The following KCTD16 variants were observed in gnomAD, a reference collection of about 807,000 sequenced individuals.
KCTD16 encodes the protein BTB/POZ domain-containing protein KCTD16.
KCTD16 carries 13 observed loss-of-function variants against 33.2 expected under a neutral mutation model. The ratio of observed to expected loss-of-function variants is 0.39; its 90% CI spans 0.25 to 0.62. KCTD16 has a LOEUF of 0.62. Ranked by LOEUF, KCTD16 falls within the 20% of genes least tolerant of loss-of-function variation. KCTD16 has a pLI of 0.50. For missense variants in KCTD16, 441 were observed against 525.1 expected (o/e 0.84, Z 1.57); for synonymous variants, 197 against 195.3 (o/e 1.01, Z -0.07).
rs183584714 is a variant in KCTD16 at position 144,189,043 on chromosome 5, A to T, written c.-327+14571A>T. ...ACATTGATAAAGGCAATAAATAACAATGATATCAAAGGATGCACTTAGACA... is the reference window on the plus strand; with the variant it reads ...ACATTGATAAAGGCAATAAATAACATTGATATCAAAGGATGCACTTAGACA... On this transcript the variant is annotated intron_variant, in intron 2 of 3. Transcript: ENST00000512467. 1.7e-3 allele frequency among the ~76,000 whole-genome samples: 262 copies of T among 152,336 alleles called. 1 individual carries two copies. The highest frequency in any genetic ancestry group is 5.8e-3 in the African/African-American group (243 of 41,578).
chr5:144,208,094 T>C (rs1057209157), intron 3 of KCTD16, among the ~76,000 whole-genome samples: 18 of 152,230 alleles, frequency 1.2e-4, no homozygotes, highest in Non-Finnish European at 2.4e-4. Flanking sequence ...AGTCTAAATT[T>C]TGCTTTTAAG....
chr5:144,419,774 A>C (rs1162069956), intron 3 of KCTD16, among the ~76,000 whole-genome samples: 1 of 152,152 alleles, frequency 6.6e-6, no homozygotes. Context: ...AATAGACCAA[A>C]GTTTTTATTT....
At chr5:144,209,608 C>T (rs1580789544) in intron 3 of KCTD16, among the ~76,000 whole-genome samples, 1 of 151,746 alleles carries the variant, frequency 6.6e-6, no homozygotes, top group African/African-American at 2.4e-5. Context: ...CGTGCAGCTG[C>T]TTAGCCATAA....
intron 3 of KCTD16, among the ~76,000 whole-genome samples, chr5:144,444,259 A>G (rs1156298531): frequency 1.3e-5 from 2 of 150,932 alleles, no homozygotes; most frequent in Admixed American, 1.3e-4. Context: ...GATATTTCCA[A>G]TTCAAATGAA....
chr5:144,467,911 C>T (rs575219957), intron 3 of KCTD16, among the ~76,000 whole-genome samples: 1 of 152,164 alleles, frequency 6.6e-6, no homozygotes, highest in Admixed American at 6.5e-5. Flanking sequence ...AGGCTAACTA[C>T]ACTTTTCCTT....
Position 144,280,342 on chromosome 5 carries a change from G to GT in KCTD16, c.832+72805dup, listed in dbSNP as rs907645691. Among the ~76,000 whole-genome samples, 338 of 151,634 alleles carry GT rather than the reference G, an allele frequency of 2.2e-3. 1 individual carries two copies. Among genetic ancestry groups the GT allele is most frequent in the Middle Eastern group, 0.01 (3 of 286 alleles). On this transcript the variant is annotated intron_variant, in intron 3 of 3. Transcript: ENST00000512467. The stretch of plus-strand genomic sequence containing the variant: ...GGAAGTTTATAATTTATAAATTAAA[G>GT]TTTTTTTTTAAAATAGCTATATAAC...
rs73792375 is a variant in KCTD16, at chr5:144,289,655, T to C, written c.832+82109T>C. The stretch of plus-strand genomic sequence containing the variant: ...TCTGTAATTTGAAGGTAATAACACA[T>C]GCTCTATTTCTTTCCTTTTTCTTTT... On this transcript the variant is annotated intron_variant, in intron 3 of 3. Coordinates refer to ENST00000512467, the MANE Select transcript of KCTD16 (RefSeq NM_020768.4). Among the ~76,000 whole-genome samples, 290 of 152,298 alleles carry C rather than the reference T, an allele frequency of 1.9e-3. 2 individuals are homozygous for C. The highest frequency in any genetic ancestry group is 6.5e-3 in the African/African-American group (270 of 41,556).
Position 144,478,396 on chromosome 5 carries a change from C to T in KCTD16, c.*4282C>T, listed in dbSNP as rs1754638577. 6.6e-6 allele frequency: 1 copy of T among 152,080 alleles called. No individual in the cohort carries two copies. The highest frequency in any genetic ancestry group is 1.5e-5 in the Non-Finnish European group (1 of 67,970). The allele number at this position is 152,080 out of a possible 1,614,324, so 9.4% of individuals were successfully genotyped here. ...TAATCACAGCCTTGTGATGCAAACA[C>T]AGAGCTTATTTGTTTGAAATGCCTA... On this transcript the variant is annotated 3_prime_UTR_variant, in exon 4 of 4. Transcript: ENST00000512467.
chr5:144,293,907 C>A (rs1319073100), intron 3 of KCTD16, among the ~76,000 whole-genome samples: 1 of 152,072 alleles, frequency 6.6e-6, no homozygotes, highest in Non-Finnish European at 1.5e-5. Flanking sequence ...CGCCTGTAAT[C>A]CCAGCACTTT....
chr5:144,347,235 A>C lies in KCTD16; in HGVS notation c.833-126425A>C, dbSNP rs1215976445. ...TCAATACATTTAAATTTAAATAGCCACATGGAACTAATGGCTACTGTATTG... is the reference window on the plus strand; with the variant it reads ...TCAATACATTTAAATTTAAATAGCCCCATGGAACTAATGGCTACTGTATTG... On this transcript the variant is annotated intron_variant, in intron 3 of 3. Transcript: ENST00000512467. Among the ~76,000 whole-genome samples, 5 of 152,200 alleles carry C rather than the reference A, an allele frequency of 3.3e-5. No homozygotes were observed. The East Asian group carries it at 9.6e-4, about 29-fold the overall frequency.
chr5:144,212,975 A>G (rs1472369841), intron 3 of KCTD16, among the ~76,000 whole-genome samples: 1 of 152,152 alleles, frequency 6.6e-6, no homozygotes, highest in Non-Finnish European at 1.5e-5. Flanking sequence ...CCCAGACATC[A>G]ATTCATTTCT....
intron 3 of KCTD16, among the ~76,000 whole-genome samples, chr5:144,230,878 C>T (rs1754081867): frequency 6.6e-6 from 1 of 152,212 alleles, no homozygotes; most frequent in African/African-American, 2.4e-5. Context: ...ACACAAGGAA[C>T]AGCATTCTAG....
At chr5:144,312,990 A>G (rs1034521166) in intron 3 of KCTD16, among the ~76,000 whole-genome samples, 1 of 152,240 alleles carries the variant, frequency 6.6e-6, no homozygotes, top group African/African-American at 2.4e-5. Context: ...AAGTGTAGGT[A>G]GGAAACGAAG....
At chr5:144,399,034 C>A (rs556426738) in intron 3 of KCTD16, among the ~76,000 whole-genome samples, 1 of 152,274 alleles carries the variant, frequency 6.6e-6, no homozygotes, top group Admixed American at 6.5e-5. Context: ...TTTGCTAATA[C>A]AGAGGAGCAA....
At chr5:144,208,278 C>G (rs184524839) in intron 3 of KCTD16, among the ~76,000 whole-genome samples, 1 of 152,268 alleles carries the variant, frequency 6.6e-6, no homozygotes, top group East Asian at 1.9e-4. Context: ...GAATTACTGA[C>G]ATAAAAGGAA....
intron 3 of KCTD16, among the ~76,000 whole-genome samples, chr5:144,372,689 C>T (rs1378741566): frequency 6.6e-6 from 1 of 152,092 alleles, no homozygotes; most frequent in Non-Finnish European, 1.5e-5. Context: ...AACTGTATGT[C>T]TAAAGGCTTG....
intron 3 of KCTD16, among the ~76,000 whole-genome samples, chr5:144,217,968 G>T (rs142196322): frequency 2.6e-5 from 4 of 152,292 alleles, no homozygotes; most frequent in African/African-American, 9.6e-5. Context: ...GCTGAGAGTT[G>T]TGTTTACTAG....
intron 3 of KCTD16, among the ~76,000 whole-genome samples, chr5:144,247,735 T>C (rs559061189): frequency 6.6e-6 from 1 of 152,316 alleles, no homozygotes; most frequent in East Asian, 1.9e-4. Flanking sequence ...AACCAACCAA[T>C]ACTGCTGATT....
chr5:144,215,173 G>T (rs1036128649), intron 3 of KCTD16, among the ~76,000 whole-genome samples: 1 of 152,102 alleles, frequency 6.6e-6, no homozygotes, highest in South Asian at 2.1e-4. Flanking sequence ...TCGCACCTGC[G>T]CAAAGATTCT....
Sources: allele counts gnomAD v4.1 joint callset (sites outside exome capture counted in the v4.1 genomes callset), GRCh38; gene constraint gnomAD v4.1.1; transcripts MANE v1.5; gene names NCBI Gene and HGNC (gene_info 2026-07-23, HGNC 2026-07-21).